Variants in NCALD observed in about 807,000 individuals in gnomAD.
The protein encoded by NCALD is neurocalcin delta, also known as neurocalcin-delta.
NCALD carries 10 observed loss-of-function variants against 18.6 expected under a neutral mutation model. That is an observed-to-expected ratio of 0.54 (90% CI 0.33 to 0.91). NCALD has a LOEUF of 0.91. Ranked by LOEUF, NCALD falls within the 40% of genes least tolerant of loss-of-function variation. NCALD has a pLI of 0.03. For missense variants in NCALD, 184 were observed against 247.6 expected, an observed-to-expected ratio of 0.74 and a Z score of 1.72; for synonymous variants, 88 against 87.4, an observed-to-expected ratio of 1.01 and a Z score of -0.04.
In NCALD at chr8:101,766,754, T is replaced by A. The variant is rs111534042; in HGVS notation, c.-20+24108A>T. Among the ~76,000 whole-genome samples, 1,434 of 152,254 alleles carry A rather than the reference T, an allele frequency of 9.4e-3. 32 individuals are homozygous for A. Among genetic ancestry groups the A allele is most frequent in the African/African-American group, 0.03 (1,260 of 41,542 alleles). ...ACCATGCCTGGCTAATTGTTTTGTA[T>A]TTTTAGTAGAAATAGGGTATCATCA... On this transcript the variant is annotated intron_variant, in intron 1 of 3. Transcript: ENST00000220931.
chr8:101,842,834 T>A (rs1814699398), intron 4 of NCALD, among the ~76,000 whole-genome samples: 1 of 152,034 alleles, frequency 6.6e-6, no homozygotes, highest in Admixed American at 6.5e-5. Flanking sequence ...TGGCTTGAGA[T>A]AGCTGTTGGA....
intron 1 of NCALD, among the ~76,000 whole-genome samples, chr8:102,096,946 C>A (rs1825122901): frequency 6.6e-6 from 1 of 152,210 alleles, no homozygotes. Flanking sequence ...ACCGTAATTA[C>A]CTCTTTAAAG....
intron 2 of NCALD, among the ~76,000 whole-genome samples, chr8:101,704,247 A>C (rs1815405873): frequency 6.6e-6 from 1 of 152,222 alleles, no homozygotes; most frequent in Admixed American, 6.5e-5. Flanking sequence ...AGAGACCATA[A>C]AGTAATTATA....
At position 101,955,249 on chromosome 8, in the gene NCALD, G is replaced by A. The variant is rs183916852; in HGVS notation, c.-156-39391C>T. Among the ~76,000 whole-genome samples, 106 of 152,310 alleles carry A rather than the reference G, an allele frequency of 7.0e-4. 1 individual carries two copies. Among genetic ancestry groups the A allele is most frequent in the African/African-American group, 2.3e-3 (94 of 41,568 alleles). On this transcript the variant is annotated intron_variant, in intron 2 of 6. Coordinates refer to the NCALD transcript ENST00000311028. ...TAGACCTAGTTTTATATTTTAGAAG[G>A]GGGGAGGACGTTGGCCCTAGGGAAA... is the stretch of plus-strand genomic sequence containing the variant.
At chr8:102,040,469 A>AT (rs1326213721) in intron 1 of NCALD, among the ~76,000 whole-genome samples, 3 of 96,984 alleles carry the variant, frequency 3.1e-5, no homozygotes, top group Middle Eastern at 4.5e-3. Flanking sequence ...GTGAGAATCC[A>AT]TCAAAAAAAA....
chr8:102,016,500 A>G (rs1822088817), intron 2 of NCALD, among the ~76,000 whole-genome samples: 1 of 152,170 alleles, frequency 6.6e-6, no homozygotes, highest in African/African-American at 2.4e-5. Context: ...AGTTTGCTGA[A>G]AACTGAGGAT....
chr8:101,842,369 AG>A (rs1354972265), intron 4 of NCALD, among the ~76,000 whole-genome samples: 7 of 152,228 alleles, frequency 4.6e-5, no homozygotes, highest in Non-Finnish European at 1.0e-4. Flanking sequence ...AGAGGAAGAA[AG>A]GGAGAATGGG....
intron 3 of NCALD, among the ~76,000 whole-genome samples, chr8:101,892,364 C>T (rs1816939703): frequency 6.8e-6 from 1 of 147,154 alleles, no homozygotes; most frequent in Non-Finnish European, 1.5e-5. Flanking sequence ...CCCATCTGTA[C>T]ATCACCATTA....
At chr8:102,116,485 G>T (rs916251075) in intron 1 of NCALD, among the ~76,000 whole-genome samples, 25 of 152,044 alleles carry the variant, frequency 1.6e-4, no homozygotes, top group African/African-American at 5.3e-4. Context: ...TTGTAGGGTG[G>T]TGGTGTTGTT....
intron 4 of NCALD, among the ~76,000 whole-genome samples, chr8:101,879,113 T>C (rs1172655297): frequency 1.3e-5 from 2 of 152,236 alleles, no homozygotes; most frequent in Non-Finnish European, 2.9e-5. Context: ...GAATGGGGTA[T>C]AGAATGGTTT....
chr8:101,774,875 GGCA>G (rs1379777938), intron 1 of NCALD, among the ~76,000 whole-genome samples: 2 of 152,166 alleles, frequency 1.3e-5, no homozygotes, highest in Non-Finnish European at 2.9e-5. Flanking sequence ...CAAAGACAAA[GGCA>G]GCATGCTCTC....
chr8:101,906,927 A>C (rs1043639021), intron 3 of NCALD, among the ~76,000 whole-genome samples: 2 of 152,260 alleles, frequency 1.3e-5, no homozygotes, highest in African/African-American at 4.8e-5. Flanking sequence ...AAAGAAAATC[A>C]GAATGAATGA....
chr8:102,040,730 AC>A (rs1366361659), intron 1 of NCALD, among the ~76,000 whole-genome samples: 1 of 152,136 alleles, frequency 6.6e-6, no homozygotes, highest in Admixed American at 6.5e-5. Flanking sequence ...GAGGACACAG[AC>A]CCAAGTGGGT....
At chr8:101,970,052 GAAGA>G (rs1820181351) in intron 2 of NCALD, among the ~76,000 whole-genome samples, 1 of 152,048 alleles carries the variant, frequency 6.6e-6, no homozygotes, top group Non-Finnish European at 1.5e-5. Flanking sequence ...AAGAGAAGGA[GAAGA>G]AAGATGAGGA....
chr8:101,792,518 A>G (rs1812483738), upstream of NCALD, among the ~76,000 whole-genome samples: 1 of 152,236 alleles, frequency 6.6e-6, no homozygotes, highest in Non-Finnish European at 1.5e-5. Flanking sequence ...TTTCAGATTA[A>G]TGACAGCTGG....
intron 4 of NCALD, among the ~76,000 whole-genome samples, chr8:101,846,605 C>T (rs907291607): frequency 6.6e-6 from 1 of 152,114 alleles, no homozygotes; most frequent in Non-Finnish European, 1.5e-5. Flanking sequence ...ATCTTGGCCA[C>T]CAACACATCC....
intron 1 of NCALD, among the ~76,000 whole-genome samples, chr8:101,730,340 G>A (rs7844891): frequency 0.43 from 65,417 of 151,420 alleles, 16,921 homozygotes; most frequent in African/African-American, 0.71. Context: ...ATTAGCCAGG[G>A]GTGGTGGTGC....
In NCALD at chr8:102,073,862, C is replaced by A. The variant is rs557170700; in HGVS notation, c.-210+50375G>T. Among the ~76,000 whole-genome samples the A allele has an allele frequency of 5.9e-5, 9 of 152,348 alleles. No individual in the cohort carries two copies. The South Asian group carries it at 1.9e-3, about 32-fold the overall frequency. On this transcript the variant is annotated intron_variant, in intron 1 of 6. Coordinates refer to the NCALD transcript ENST00000311028. Reference sequence around the variant, plus strand: ...CAGCGACTGGTTGAAATTGCTGTCTCTTTTCACCACAGGTTCTCCTTTGTT... The same window carrying A: ...CAGCGACTGGTTGAAATTGCTGTCTATTTTCACCACAGGTTCTCCTTTGTT...
chr8:101,841,262 C>T (rs1406558045), intron 4 of NCALD, among the ~76,000 whole-genome samples: 8 of 152,200 alleles, frequency 5.3e-5, no homozygotes, highest in South Asian at 2.1e-4. Flanking sequence ...ATGCTGTGGC[C>T]TGAAGCCAGT....
Sources: allele counts gnomAD v4.1 joint callset (sites outside exome capture counted in the v4.1 genomes callset), GRCh38; gene constraint gnomAD v4.1.1; transcripts MANE v1.5; gene names NCBI Gene and HGNC (gene_info 2026-07-23, HGNC 2026-07-21).